The following STK33 variants were observed in gnomAD, a reference collection of about 807,000 sequenced individuals.
STK33 encodes serine/threonine-protein kinase 33.
STK33 carries 52 observed loss-of-function variants against 58.0 expected under a neutral mutation model. The ratio of observed to expected loss-of-function variants is 0.90; its 90% CI spans 0.72 to 1.13. STK33 has a LOEUF of 1.13. Among genes scored for constraint, STK33 ranks in the 50% most tolerant of loss-of-function variants. The pLI is 0.00. For synonymous variants in STK33, 215 were observed against 200.1 expected, an observed-to-expected ratio of 1.07 and a Z score of -0.63; for missense variants, 630 against 604.2, an observed-to-expected ratio of 1.04 and a Z score of -0.45.
chr11:8,480,181 C>A (rs961670356), intron 2 of STK33, among the ~76,000 whole-genome samples: 1 of 152,136 alleles, frequency 6.6e-6, no homozygotes, highest in Non-Finnish European at 1.5e-5. Context: ...GGCTTCCTGA[C>A]ATTTACAGCT....
At chr11:8,544,210 T>C (rs1247455868) in intron 1 of STK33, among the ~76,000 whole-genome samples, 1 of 151,356 alleles carries the variant, frequency 6.6e-6, no homozygotes, top group African/African-American at 2.4e-5. Context: ...CCTTCCTGTG[T>C]CCATGTGTTC....
chr11:8,394,523 T>G (rs1303697581), intron 15 of STK33, among the ~76,000 whole-genome samples: 1 of 152,230 alleles, frequency 6.6e-6, no homozygotes, highest in East Asian at 1.9e-4. Context: ...GTGCTTATAT[T>G]CATATCTGGC....
At chr11:8,356,139 G>T in the STK33 span, among the ~76,000 whole-genome samples, 1 of 152,236 alleles carries the variant, frequency 6.6e-6, no homozygotes, top group East Asian at 1.9e-4. Context: ...CACAGATTCA[G>T]ATCTAACAGT....
chr11:8,479,887 C>G (rs1002363962), intron 2 of STK33, among the ~76,000 whole-genome samples: 6 of 152,104 alleles, frequency 3.9e-5, no homozygotes, highest in Non-Finnish European at 5.9e-5. Flanking sequence ...AAGCCAAGGA[C>G]CTTTCTCCAG....
the STK33 span, among the ~76,000 whole-genome samples, chr11:8,385,295 C>T: frequency 5.9e-5 from 9 of 152,206 alleles, no homozygotes; most frequent in African/African-American, 9.7e-5. Context: ...CATAATCAGA[C>T]GTCGAGCCCT....
intron 1 of STK33, among the ~76,000 whole-genome samples, chr11:8,512,911 A>T (rs892258940): frequency 3.9e-4 from 59 of 152,244 alleles, no homozygotes; most frequent in African/African-American, 1.4e-3. Context: ...TAGCATATTT[A>T]GCGCCCCTAG....
At position 8,566,702 on chromosome 11, in the gene STK33, C is replaced by T. The variant is rs577901145; in HGVS notation, c.-466+27381G>A. Among the ~76,000 whole-genome samples, 5 of 152,328 alleles carry T rather than the reference C, an allele frequency of 3.3e-5. No individual in the cohort carries two copies. In the South Asian group the frequency reaches 1.0e-3, roughly 32 times the overall value. On this transcript the variant is annotated intron_variant, in intron 1 of 15. Coordinates refer to ENST00000687296, the MANE Select transcript of STK33 (RefSeq NM_001352389.2). The stretch of plus-strand genomic sequence containing the variant: ...TCAAAATCTATTCTGCTACCCAAGT[C>T]TCTTCCACAGCATACTTCTTTAATT...
chr11:8,507,276 G>A (rs950705550), intron 1 of STK33, among the ~76,000 whole-genome samples: 3 of 152,160 alleles, frequency 2.0e-5, no homozygotes, highest in Non-Finnish European at 4.4e-5. Context: ...CCCAAAGATT[G>A]CCTAGGTTCA....
At chr11:8,554,376 G>A (rs1316605221) in intron 1 of STK33, among the ~76,000 whole-genome samples, 3 of 139,372 alleles carry the variant, frequency 2.2e-5, no homozygotes, top group Non-Finnish European at 3.0e-5. Flanking sequence ...CCCAGATCAC[G>A]CCACTGCACT....
chr11:8,451,648 G>T (rs984682835), intron 11 of STK33, among the ~76,000 whole-genome samples: 9 of 152,186 alleles, frequency 5.9e-5, no homozygotes, highest in Non-Finnish European at 1.0e-4. Context: ...ACTTTTTGGA[G>T]TAGATTTGTT....
Position 8,474,707 on chromosome 11 carries a change from T to C in STK33, c.199A>G (p.Arg67Gly), listed in dbSNP as rs766606403. The C allele has an allele frequency of 4.3e-6, 7 of 1,611,466 alleles. No homozygotes were observed. The highest frequency in any genetic ancestry group is 5.9e-6 in the Non-Finnish European group (7 of 1,179,286). The change falls in exon 5 of 16, where the codon AGA becomes GGA. Residue 67 changes from arginine (R) to glycine (G), a missense_variant. Coordinates refer to ENST00000687296, the MANE Select transcript of STK33 (RefSeq NM_001352389.2). Reference protein sequence around the residue: ...LERKKEKNINRDITSRKDLPS... With the variant: ...LERKKEKNINGDITSRKDLPS... ...AAATCTTTCCTGGAGGTTATATCTC[T>C]GTTGATATTTTTTTCTTTTTTTCTC...
At chr11:8,425,430 G>A (rs1942597197) in intron 14 of STK33, among the ~76,000 whole-genome samples, 1 of 152,144 alleles carries the variant, frequency 6.6e-6, no homozygotes, top group Non-Finnish European at 1.5e-5. Context: ...GATGCCTCCA[G>A]CTTTATTCTT....
chr11:8,548,668 T>C (rs1304485216), intron 1 of STK33, among the ~76,000 whole-genome samples: 2 of 152,226 alleles, frequency 1.3e-5, no homozygotes, highest in Non-Finnish European at 2.9e-5. Context: ...TTGAGAGGGA[T>C]TGCATTGAAT....
chr11:8,476,430 A>T (rs1439360507), intron 4 of STK33, among the ~76,000 whole-genome samples: 1 of 152,212 alleles, frequency 6.6e-6, no homozygotes, highest in African/African-American at 2.4e-5. Flanking sequence ...ATACGGTCCC[A>T]AATAAACGTA....
At chr11:8,407,722 G>A (rs1231883413) in intron 15 of STK33, among the ~76,000 whole-genome samples, 1 of 151,946 alleles carries the variant, frequency 6.6e-6, no homozygotes, top group Non-Finnish European at 1.5e-5. Context: ...GGAACCTATA[G>A]AACGATATCA....
At chr11:8,527,117 T>A (rs1954109548) in intron 1 of STK33, among the ~76,000 whole-genome samples, 1 of 151,118 alleles carries the variant, frequency 6.6e-6, no homozygotes, top group African/African-American at 2.4e-5. Context: ...CCCGCCACAA[T>A]GCCCAGCTAA....
At chr11:8,404,069 T>C (rs1938633491) in intron 15 of STK33, among the ~76,000 whole-genome samples, 1 of 152,212 alleles carries the variant, frequency 6.6e-6, no homozygotes, top group South Asian at 2.1e-4. Flanking sequence ...TTTAATGCTA[T>C]AGTTTTGTGT....
chr11:8,338,751 C>T, the STK33 span, among the ~76,000 whole-genome samples: 1 of 152,168 alleles, frequency 6.6e-6, no homozygotes, highest in East Asian at 1.9e-4. Flanking sequence ...ACCCAGAGAA[C>T]CAGAAGACCC....
Position 8,522,468 on chromosome 11 carries a change from C to CAA in STK33, c.-465-41856_-465-41855dup, listed in dbSNP as rs112160760. 1.3e-3 allele frequency among the ~76,000 whole-genome samples: 165 copies of CAA among 123,334 alleles called. 1 individual carries two copies. The highest frequency in any genetic ancestry group is 3.8e-3 in the South Asian group (15 of 3,910). 80.9% of individuals were successfully genotyped at this position (123,334 alleles called of 152,430 possible). On this transcript the variant is annotated intron_variant, in intron 1 of 15. Coordinates refer to ENST00000687296, the MANE Select transcript of STK33 (RefSeq NM_001352389.2). ...GGTGGGGAACATCACACACTGGGGC[C>CAA]AAAAAAAAAAAAAGAATGAAATTGG...
Sources: allele counts gnomAD v4.1 joint callset (sites outside exome capture counted in the v4.1 genomes callset), GRCh38; gene constraint gnomAD v4.1.1; transcripts MANE v1.5; gene names NCBI Gene and HGNC (gene_info 2026-07-23, HGNC 2026-07-21).